The following NKAIN2 variants were observed in gnomAD, a reference collection of about 807,000 sequenced individuals.
NKAIN2 encodes the protein sodium/potassium transporting ATPase interacting 2, also known as sodium/potassium-transporting ATPase subunit beta-1-interacting protein 2.
Under a neutral mutation model 32.6 loss-of-function variants are expected in NKAIN2, and 14 were observed. That is an observed-to-expected ratio of 0.43 (90% CI 0.28 to 0.67). The LOEUF (loss-of-function observed/expected upper bound fraction) is 0.67. NKAIN2 is among the 30% of genes least tolerant of loss of function. NKAIN2 has a pLI of 0.17. For missense variants in NKAIN2, 198 were observed against 258.3 expected (o/e 0.77, Z 1.60); for synonymous variants, 80 against 87.2 (o/e 0.92, Z 0.46).
chr6:124,137,095 A>G (rs1377554896), intron 1 of NKAIN2, among the ~76,000 whole-genome samples: 3 of 152,058 alleles, frequency 2.0e-5, no homozygotes, highest in Non-Finnish European at 4.4e-5. Flanking sequence ...ATATTATTGT[A>G]TACTTAAAAA....
intron 1 of NKAIN2, among the ~76,000 whole-genome samples, chr6:123,994,818 T>C (rs1022481568): frequency 6.6e-6 from 1 of 152,204 alleles, no homozygotes; most frequent in Non-Finnish European, 1.5e-5. Context: ...TTATGTCGAT[T>C]GTTATTATAT....
At chr6:123,892,662 C>T (rs953050718) in intron 1 of NKAIN2, among the ~76,000 whole-genome samples, 4 of 151,870 alleles carry the variant, frequency 2.6e-5, no homozygotes, top group African/African-American at 9.7e-5. Flanking sequence ...GCTCCTCCTT[C>T]CTTAGGGAGG....
intron 3 of NKAIN2, among the ~76,000 whole-genome samples, chr6:124,407,105 C>G (rs1455567252): frequency 3.3e-5 from 5 of 151,976 alleles, no homozygotes; most frequent in African/African-American, 4.8e-5. Context: ...TCATTTATAC[C>G]AAACTCCAGG....
At chr6:124,442,653 T>G (rs1041561676) in intron 3 of NKAIN2, among the ~76,000 whole-genome samples, 3 of 152,084 alleles carry the variant, frequency 2.0e-5, no homozygotes, top group African/African-American at 7.2e-5. Flanking sequence ...GTAGTTCTGA[T>G]AGACACTAGA....
chr6:124,176,280 G>A (rs922233927), intron 1 of NKAIN2, among the ~76,000 whole-genome samples: 6 of 152,012 alleles, frequency 3.9e-5, no homozygotes, highest in Admixed American at 1.3e-4. Flanking sequence ...ACAGACCTTC[G>A]ATTTGTAAAA....
chr6:123,898,408 A>G (rs1480479804), intron 1 of NKAIN2, among the ~76,000 whole-genome samples: 1 of 152,190 alleles, frequency 6.6e-6, no homozygotes, highest in Non-Finnish European at 1.5e-5. Flanking sequence ...TCTTTCTTAC[A>G]AATTATGGAT....
At chr6:124,347,985 G>T (rs1411488218) in intron 2 of NKAIN2, among the ~76,000 whole-genome samples, 2 of 152,134 alleles carry the variant, frequency 1.3e-5, no homozygotes, top group African/African-American at 4.8e-5. Context: ...TTTGGTCTTT[G>T]ATGATGGTGA....
intron 4 of NKAIN2, among the ~76,000 whole-genome samples, chr6:124,773,889 C>T (rs1289284016): frequency 3.9e-5 from 6 of 152,118 alleles, no homozygotes; most frequent in Non-Finnish European, 7.4e-5. Flanking sequence ...TGCCTAAAAG[C>T]TGCCATGGGC....
intron 1 of NKAIN2, among the ~76,000 whole-genome samples, chr6:123,864,249 T>C (rs934115811): frequency 6.6e-6 from 1 of 152,228 alleles, no homozygotes; most frequent in Admixed American, 6.5e-5. Context: ...TGTGAGCTTA[T>C]ATTGTAAATA....
At chr6:124,413,195 C>T (rs76851295) in intron 3 of NKAIN2, among the ~76,000 whole-genome samples, 8 of 152,106 alleles carry the variant, frequency 5.3e-5, no homozygotes, top group South Asian at 4.1e-4. Context: ...AGCCACTGTC[C>T]GGCACTCCCC....
chr6:124,709,012 C>A (rs1318448622), intron 4 of NKAIN2, among the ~76,000 whole-genome samples: 1 of 141,194 alleles, frequency 7.1e-6, no homozygotes. Context: ...AGATACGTCC[C>A]GTCAATACCT....
At chr6:124,238,438 T>C (rs1017179201) in intron 1 of NKAIN2, among the ~76,000 whole-genome samples, 3 of 152,152 alleles carry the variant, frequency 2.0e-5, no homozygotes, top group Non-Finnish European at 4.4e-5. Context: ...ATATACACTA[T>C]TTTTGAAATG....
intron 5 of NKAIN2, among the ~76,000 whole-genome samples, chr6:124,813,804 G>T (rs1781021550): frequency 6.6e-6 from 1 of 152,128 alleles, no homozygotes; most frequent in Admixed American, 6.6e-5. Context: ...GATATAAGGA[G>T]ATTCTTGATA....
intron 4 of NKAIN2, among the ~76,000 whole-genome samples, chr6:124,698,621 A>T (rs371283172): frequency 6.6e-6 from 1 of 152,226 alleles, no homozygotes; most frequent in Non-Finnish European, 1.5e-5. Flanking sequence ...TTTGCTCTCT[A>T]GAAAAGAAGT....
chr6:124,621,058 AC>A (rs972524502), intron 3 of NKAIN2, among the ~76,000 whole-genome samples: 1 of 152,052 alleles, frequency 6.6e-6, no homozygotes, highest in African/African-American at 2.4e-5. Context: ...CATTGGAATC[AC>A]CTGGGGACCT....
At chr6:124,325,316 G>C (rs940654976) in intron 2 of NKAIN2, among the ~76,000 whole-genome samples, 6 of 151,960 alleles carry the variant, frequency 3.9e-5, no homozygotes, top group Non-Finnish European at 1.5e-5. Flanking sequence ...GATGTAAAAT[G>C]GTTCAAATAC....
intron 3 of NKAIN2, among the ~76,000 whole-genome samples, chr6:124,403,835 AG>A (rs1773731708): frequency 6.6e-6 from 1 of 152,192 alleles, no homozygotes; most frequent in Non-Finnish European, 1.5e-5. Context: ...TGAATTATTA[AG>A]ATGGGTAACC....
At chr6:123,995,276 A>T (rs1489739171) in intron 1 of NKAIN2, among the ~76,000 whole-genome samples, 2 of 152,196 alleles carry the variant, frequency 1.3e-5, no homozygotes. Context: ...AAAGGTGACA[A>T]GGCAGTTCTA....
chr6:124,391,989 A>G (rs1773163436), intron 3 of NKAIN2, among the ~76,000 whole-genome samples: 1 of 152,156 alleles, frequency 6.6e-6, no homozygotes, highest in Admixed American at 6.6e-5. Flanking sequence ...GATGCCAAAC[A>G]ATGAATTCAC....
Sources: allele counts gnomAD v4.1 joint callset (sites outside exome capture counted in the v4.1 genomes callset), GRCh38; gene constraint gnomAD v4.1.1; transcripts MANE v1.5; gene names NCBI Gene and HGNC (gene_info 2026-07-23, HGNC 2026-07-21).